The following MYO18B variants were observed in gnomAD, a reference collection of about 807,000 sequenced individuals.
MYO18B encodes myosin XVIIIB.
A neutral mutation model predicts 273.0 loss-of-function variants in MYO18B; 204 were observed. The ratio of observed to expected loss-of-function variants is 0.75; its 90% CI spans 0.67 to 0.84. MYO18B has a LOEUF of 0.84. MYO18B is among the 40% of genes least tolerant of loss of function. The pLI is 0.00. For synonymous variants in MYO18B, 1,330 were observed against 1,305.7 expected, an observed-to-expected ratio of 1.02 and a Z score of -0.40; for missense variants, 3,212 against 3,287.6, an observed-to-expected ratio of 0.98 and a Z score of 0.56.
chr22:25,843,601 G>A, intron 17 of MYO18B, 134 bp from the exon 18 acceptor site: 2 of 779,860 alleles, frequency 2.6e-6, no homozygotes, highest in Non-Finnish European at 3.9e-6. Flanking sequence ...CAGGAGAAAT[G>A]TGGGTGCCTT....
rs772478099 is a variant in MYO18B, at chr22:25,798,083, C to T, written c.2507C>T (p.Ala836Val). 1.1e-5 allele frequency: 17 copies of T among 1,607,784 alleles called. No individual in the cohort carries two copies. Among genetic ancestry groups the T allele is most frequent in the Admixed American group, 5.0e-5 (3 of 59,838 alleles). ...VLAAIYHLGA[A>V]GACKVGRKQF... Reference sequence around the variant, plus strand: ...GCAGCCATCTACCACCTGGGTGCGGCGGGGGCCTGCAAAGGTACGTCCTTC... The same window carrying T: ...GCAGCCATCTACCACCTGGGTGCGGTGGGGGCCTGCAAAGGTACGTCCTTC... The change falls in exon 12 of 44, where the codon GCG becomes GTG. Residue 836 changes from alanine (A) to valine (V), a missense_variant. Transcript: ENST00000335473.
intron 39 of MYO18B, among the ~76,000 whole-genome samples, chr22:25,973,968 A>G (rs6004856): frequency 0.11 from 16,944 of 152,222 alleles, 1,025 homozygotes; most frequent in Middle Eastern, 0.2. Flanking sequence ...TTTGGGTCAA[A>G]TCTCAATTGT....
Position 25,943,344 on chromosome 22 carries a change from AG to A in MYO18B, c.5518-2791del, listed in dbSNP as rs557475085. Among the ~76,000 whole-genome samples the A allele has an allele frequency of 1.6e-3, 240 of 152,256 alleles. 1 individual carries two copies. The highest frequency in any genetic ancestry group is 5.6e-3 in the African/African-American group (232 of 41,554). On this transcript the variant is annotated intron_variant, in intron 34 of 43. Coordinates refer to ENST00000335473, the MANE Select transcript of MYO18B (RefSeq NM_032608.7). Reference sequence around the variant, plus strand: ...AGCACCTCCACCGCCTCCTTCCTGCAGGACCATGGCGATCCCCTCACTGGCT... The same window carrying A: ...AGCACCTCCACCGCCTCCTTCCTGCAGACCATGGCGATCCCCTCACTGGCT...
In MYO18B at chr22:25,890,819, C is replaced by A. The variant is rs767682162; in HGVS notation, c.4378C>A (p.Leu1460Met). ...RFKGDVACQV[L>M]ESERAERLQA... is the part of the protein sequence containing the mutation. ...CAAAGGTGATGTGGCCTGCCAGGTG[C>A]TGGAGAGTGAGCGGGCAGAGCGGCT... is the stretch of plus-strand genomic sequence containing the variant. The change falls in exon 26 of 44, where the codon CTG becomes ATG. Residue 1460 changes from leucine to methionine, a missense_variant. By Grantham distance (15) the Leu-to-Met change is conservative. Transcript: ENST00000335473. 1 of 1,613,948 alleles carries A rather than the reference C, an allele frequency of 6.2e-7. No homozygotes were observed. Among genetic ancestry groups the A allele is most frequent in the South Asian group, 1.1e-5 (1 of 91,076 alleles).
the MYO18B span, among the ~76,000 whole-genome samples, chr22:26,051,103 C>T: frequency 6.6e-6 from 1 of 151,522 alleles, no homozygotes; most frequent in Admixed American, 6.6e-5. Flanking sequence ...GACTTCAAGA[C>T]AGTGATCAAA....
chr22:25,941,147 TAAACTA>T lies in MYO18B; in HGVS notation c.5518-4986_5518-4981del, dbSNP rs572991326. On this transcript the variant is annotated intron_variant, in intron 34 of 43. Transcript: ENST00000335473. ...AAGAGAAACAAAAATCTAATGAACT[TAAACTA>T]AAATCAAATCAGATGTGTTGTTGAG... Among the ~76,000 whole-genome samples the T allele has an allele frequency of 2.0e-3, 305 of 152,312 alleles. 3 individuals are homozygous for T. The highest frequency in any genetic ancestry group is 1.3e-3 in the Non-Finnish European group (86 of 68,030).
At position 25,768,248 on chromosome 22, in the gene MYO18B, G is replaced by A; in HGVS notation, c.332G>A (p.Gly111Glu). Reference protein sequence around the residue: ...SSDILGKESEGSRSPDPEQMT... With the variant: ...SSDILGKESEESRSPDPEQMT... ...GACATTCTGGGCAAGGAGAGCGAGG[G>A]GTCCCGCAGCCCCGACCCTGAGCAG... The change falls in exon 4 of 44, where the codon GGG (glycine) becomes GAG (glutamate). Residue 111 changes from glycine (G) to glutamate (E), a missense_variant. Gly to Glu is a moderately conservative substitution (Grantham distance 98). Transcript: ENST00000335473. The A allele has an allele frequency of 6.2e-7, 1 of 1,613,980 alleles. No individual in the cohort carries two copies. The highest frequency in any genetic ancestry group is 8.5e-7 in the Non-Finnish European group (1 of 1,179,884).
At chr22:25,776,005 T>G (rs1259937826) in intron 7 of MYO18B, among the ~76,000 whole-genome samples, 1 of 152,182 alleles carries the variant, frequency 6.6e-6, no homozygotes, top group Non-Finnish European at 1.5e-5. Flanking sequence ...TACATGACAG[T>G]TCCCGTCACC....
At chr22:25,942,767 C>G (rs2092659176) in intron 34 of MYO18B, among the ~76,000 whole-genome samples, 1 of 152,126 alleles carries the variant, frequency 6.6e-6, no homozygotes, top group Admixed American at 6.5e-5. Flanking sequence ...GGTGGGACTG[C>G]TAATGCCAAA....
chr22:25,765,630 G>A (rs1356588138), intron 3 of MYO18B, among the ~76,000 whole-genome samples: 1 of 152,160 alleles, frequency 6.6e-6, no homozygotes, highest in African/African-American at 2.4e-5. Context: ...CTGTAAAAAT[G>A]TGCTATTAGT....
Position 25,930,114 on chromosome 22 carries a change from A to G in MYO18B, c.5517+8705A>G, listed in dbSNP as rs541242027. On this transcript the variant is annotated intron_variant, in intron 34 of 43. Transcript: ENST00000335473. ...CCTTGGCTGGGTTCTTGCTTCTTTCACTGATCCCTCTTTGCCTGATAAGCA... is the reference window on the plus strand; with the variant it reads ...CCTTGGCTGGGTTCTTGCTTCTTTCGCTGATCCCTCTTTGCCTGATAAGCA... Among the ~76,000 whole-genome samples, 235 of 151,934 alleles carry G rather than the reference A, an allele frequency of 1.5e-3. 1 individual carries two copies. The highest frequency in any genetic ancestry group is 2.9e-3 in the Non-Finnish European group (200 of 67,970).
At chr22:25,941,252 C>T (rs968428426) in intron 34 of MYO18B, among the ~76,000 whole-genome samples, 4 of 152,202 alleles carry the variant, frequency 2.6e-5, no homozygotes, top group Non-Finnish European at 5.9e-5. Flanking sequence ...CACCCTAAAC[C>T]TCTCCACCCC....
chr22:25,800,615 G>A (rs144376406), intron 12 of MYO18B, among the ~76,000 whole-genome samples: 317 of 152,352 alleles, frequency 2.1e-3, no homozygotes, highest in African/African-American at 7.0e-3. Flanking sequence ...GTCCAGCTGG[G>A]GACCCCTGGG....
the MYO18B span, among the ~76,000 whole-genome samples, chr22:26,041,333 G>T: frequency 1.5e-5 from 2 of 136,174 alleles, no homozygotes; most frequent in East Asian, 4.0e-4. Flanking sequence ...TGGGAAACAT[G>T]GTGAAACCCT....
At chr22:25,980,040 G>A (rs568088059) in intron 39 of MYO18B, among the ~76,000 whole-genome samples, 1 of 152,266 alleles carries the variant, frequency 6.6e-6, no homozygotes, top group East Asian at 1.9e-4. Context: ...ATGGAGAGAG[G>A]GGTGCACTTG....
intron 42 of MYO18B, among the ~76,000 whole-genome samples, chr22:26,016,804 G>A (rs912172155): frequency 2.6e-5 from 4 of 152,206 alleles, no homozygotes; most frequent in African/African-American, 7.2e-5. Context: ...TACAGAGGGG[G>A]ACACAGGAGG....
intron 12 of MYO18B, among the ~76,000 whole-genome samples, chr22:25,809,186 A>G (rs2088620884): frequency 6.6e-6 from 1 of 151,862 alleles, no homozygotes; most frequent in Non-Finnish European, 1.5e-5. Flanking sequence ...CTCATGATCC[A>G]CCCACCTCAG....
the MYO18B span, among the ~76,000 whole-genome samples, chr22:26,043,249 T>A: frequency 1.3e-5 from 2 of 152,216 alleles, no homozygotes; most frequent in Admixed American, 6.5e-5. Context: ...TTTTTTTTAT[T>A]GCTGAGTAAT....
chr22:25,861,034 A>G (rs1365262641), intron 21 of MYO18B, among the ~76,000 whole-genome samples: 1 of 152,012 alleles, frequency 6.6e-6, no homozygotes. Context: ...GACTACAGGC[A>G]TATGCCACCA....
Sources: allele counts gnomAD v4.1 joint callset (sites outside exome capture counted in the v4.1 genomes callset), GRCh38; gene constraint gnomAD v4.1.1; transcripts MANE v1.5; gene names NCBI Gene and HGNC (gene_info 2026-07-23, HGNC 2026-07-21).